TSNARE1: variants seen among roughly 807,000 people sequenced by gnomAD.
TSNARE1 encodes t-SNARE domain containing 1.
A neutral mutation model predicts 62.0 loss-of-function variants in TSNARE1; 49 were observed. The observed-to-expected ratio is 0.79, with a 90% confidence interval of 0.63 to 1.00. The LOEUF (loss-of-function observed/expected upper bound fraction) is 1.00. Among genes scored for constraint, TSNARE1 ranks in the 50% least tolerant of loss-of-function variants. TSNARE1 has a pLI of 0.00. For missense variants in TSNARE1, 755 were observed against 700.1 expected (o/e 1.08, Z -0.88); for synonymous variants, 328 against 294.4 (o/e 1.11, Z -1.17).
At position 142,308,085 on chromosome 8, in the gene TSNARE1, T is replaced by C. The variant is rs139620652; in HGVS notation, c.1131+6299A>G. Among the ~76,000 whole-genome samples, 446 of 152,232 alleles carry C rather than the reference T, an allele frequency of 2.9e-3. 3 individuals carry two copies. Among genetic ancestry groups the C allele is most frequent in the African/African-American group, 9.9e-3 (413 of 41,542 alleles). ...GTCCTTTCATTGTTTTTCAATAGAG[T>C]TGTCTGCCCTTTCCTTGTTGATTTG... On this transcript the variant is annotated intron_variant, in intron 9 of 13. Transcript: ENST00000524325.
At chr8:142,264,646 G>A (rs1282357819) in intron 12 of TSNARE1, among the ~76,000 whole-genome samples, 1 of 152,194 alleles carries the variant, frequency 6.6e-6, no homozygotes, top group Admixed American at 6.5e-5. Context: ...CCATTCTGGA[G>A]TGACTCCAGT....
chr8:142,271,492 A>T, intron 12 of TSNARE1: 1 of 1,294,118 alleles, frequency 7.7e-7, no homozygotes, highest in Non-Finnish European at 9.8e-7. Flanking sequence ...CTGGCGCCGA[A>T]GAGGGCGGGG....
intron 12 of TSNARE1, among the ~76,000 whole-genome samples, chr8:142,258,327 G>C (rs1182438817): frequency 6.6e-6 from 1 of 152,188 alleles, no homozygotes; most frequent in Admixed American, 6.5e-5. Context: ...ATATGTAAAT[G>C]CACGCACCCG....
chr8:142,229,405 G>A (rs1816993810), intron 13 of TSNARE1, 68 bp downstream of exon 13: 2 of 1,251,436 alleles, frequency 1.6e-6, no homozygotes, highest in Non-Finnish European at 2.3e-6. Flanking sequence ...ATGGATGGTG[G>A]ATAGGTGAAT....
chr8:142,323,548 G>C (rs1199191755), intron 6 of TSNARE1, among the ~76,000 whole-genome samples: 1 of 152,246 alleles, frequency 6.6e-6, no homozygotes, highest in Non-Finnish European at 1.5e-5. Flanking sequence ...GCAAGGCCAA[G>C]TGTGGGTCCC....
Position 142,221,786 on chromosome 8 carries a change from CA to C in TSNARE1, c.*11+7686del, listed in dbSNP as rs1263927956. ...TCACTCACTCACTCATTCACTCACT[CA>C]TCCACTCATTCACTCACTCATCCAC... On this transcript the variant is annotated intron_variant, in intron 13 of 13. Coordinates refer to ENST00000524325, the MANE Select transcript of TSNARE1 (RefSeq NM_145003.5). 3.8e-4 allele frequency among the ~76,000 whole-genome samples: 21 copies of C among 55,564 alleles called. 2 individuals carry two copies. Among genetic ancestry groups the C allele is most frequent in the South Asian group, 1.0e-3 (2 of 1,920 alleles). The allele number at this position is 55,564 out of a possible 152,430, so 36.5% of individuals were successfully genotyped here. A position where few individuals can be genotyped will look rare whatever the true frequency, so the allele number is the denominator to read the frequency against.
intron 12 of TSNARE1, among the ~76,000 whole-genome samples, 190 bp from the exon 13 acceptor site, chr8:142,229,769 G>A (rs754239540): frequency 2.6e-4 from 40 of 152,164 alleles, no homozygotes; most frequent in Admixed American, 1.3e-4. Flanking sequence ...TTGAATAACT[G>A]CTCTGGGCTG....
chr8:142,276,520 G>A (rs1389569587), intron 11 of TSNARE1: 2 of 985,364 alleles, frequency 2.0e-6, no homozygotes, highest in Non-Finnish European at 2.4e-6. Context: ...AGGTGAATGT[G>A]GACAGTGGAG....
chr8:142,338,747 T>C (rs1832126248), intron 4 of TSNARE1, among the ~76,000 whole-genome samples: 1 of 152,246 alleles, frequency 6.6e-6, no homozygotes, highest in South Asian at 2.1e-4. Context: ...CAAGACAGTG[T>C]GCAGCCTGAC....
intron 12 of TSNARE1, among the ~76,000 whole-genome samples, chr8:142,252,748 T>G (rs58530789): frequency 1.3e-5 from 2 of 152,208 alleles, no homozygotes; most frequent in African/African-American, 4.8e-5. Flanking sequence ...CATTCTTGTG[T>G]GCAACAGTTT....
chr8:142,378,135 G>A (rs995300123), intron 1 of TSNARE1, among the ~76,000 whole-genome samples: 17 of 152,244 alleles, frequency 1.1e-4, no homozygotes, highest in Admixed American at 3.3e-4. Flanking sequence ...CATGGTCAGA[G>A]CAGCCTTGTG....
Position 142,258,919 on chromosome 8 carries a change from G to A in TSNARE1, c.1446+15862C>T, listed in dbSNP as rs562753077. Reference sequence around the variant, plus strand: ...AGATGCAGGGCACGGTGCCAGAACAGAGGGGTGTCCAAGGTGTGTGTGGGT... The same window carrying A: ...AGATGCAGGGCACGGTGCCAGAACAAAGGGGTGTCCAAGGTGTGTGTGGGT... On this transcript the variant is annotated intron_variant, in intron 12 of 13. Transcript: ENST00000524325. 2.6e-5 allele frequency among the ~76,000 whole-genome samples: 4 copies of A among 152,352 alleles called. No homozygotes were observed. The East Asian group carries it at 7.7e-4, about 29-fold the overall frequency.
rs57433906 is a variant in TSNARE1 at position 142,292,307 on chromosome 8, G to A, written c.1291-7822C>T. 2.1e-3 allele frequency among the ~76,000 whole-genome samples: 313 copies of A among 152,320 alleles called. 2 individuals are homozygous for A. Among genetic ancestry groups the A allele is most frequent in the African/African-American group, 6.9e-3 (287 of 41,568 alleles). On this transcript the variant is annotated intron_variant, in intron 10 of 13. Transcript: ENST00000524325. ...CCCACAGAACCCACGAGCTTCCCCC[G>A]TGGAAGCGAGGCGAGGGCCGGAGAG...
intron 12 of TSNARE1, among the ~76,000 whole-genome samples, chr8:142,236,006 A>G (rs1202251956): frequency 2.6e-5 from 4 of 152,156 alleles, no homozygotes; most frequent in East Asian, 1.9e-4. Flanking sequence ...ACCTCTCCCA[A>G]TTAGCCCCAG....
chr8:142,242,190 A>C (rs13260672), intron 12 of TSNARE1, among the ~76,000 whole-genome samples: 3,438 of 51,160 alleles, frequency 0.067, 7 homozygotes, highest in South Asian at 0.13. Flanking sequence ...CTCAAAATGG[A>C]TGGAAGACCG....
intron 10 of TSNARE1, among the ~76,000 whole-genome samples, chr8:142,286,712 G>C (rs1324680109): frequency 1.3e-5 from 2 of 152,214 alleles, no homozygotes; most frequent in Non-Finnish European, 2.9e-5. Flanking sequence ...TCAAGGTCAC[G>C]AAGTATGGCT....
chr8:142,248,299 T>A (rs1224924830), intron 12 of TSNARE1, among the ~76,000 whole-genome samples: 4 of 152,150 alleles, frequency 2.6e-5, no homozygotes, highest in African/African-American at 9.7e-5. Flanking sequence ...CACAAATGGA[T>A]GAAGACACCC....
chr8:142,404,741 C>T (rs936662232), upstream of TSNARE1: 18 of 152,278 alleles, frequency 1.2e-4, no homozygotes, highest in African/African-American at 4.3e-4. Context: ...GGGGAAGGTT[C>T]GCCAGGACCA....
intron 6 of TSNARE1, among the ~76,000 whole-genome samples, chr8:142,320,382 T>C (rs1331745749): frequency 3.1e-5 from 4 of 130,900 alleles, no homozygotes; most frequent in African/African-American, 6.0e-5. Flanking sequence ...CACACCGCCC[T>C]CCTGCACCTG....
Sources: allele counts gnomAD v4.1 joint callset (sites outside exome capture counted in the v4.1 genomes callset), GRCh38; gene constraint gnomAD v4.1.1; transcripts MANE v1.5; gene names NCBI Gene and HGNC (gene_info 2026-07-23, HGNC 2026-07-21).